Variants in SLC35F1 observed in about 807,000 individuals in gnomAD.
SLC35F1 encodes the protein solute carrier family 35 member F1, also known as chromosome 6 open reading frame 169.
In SLC35F1, 14 loss-of-function variants were observed where a neutral mutation model predicts 48.7. That is an observed-to-expected ratio of 0.29 (90% confidence interval 0.19 to 0.45). The LOEUF (loss-of-function observed/expected upper bound fraction) is 0.45. Ranked by LOEUF, SLC35F1 falls within the 20% of genes least tolerant of loss-of-function variation. The pLI, the probability that SLC35F1 is intolerant of heterozygous loss-of-function variation, is 1.00. For missense variants in SLC35F1, 404 were observed against 500.0 expected, an observed-to-expected ratio of 0.81 and a Z score of 1.83; for synonymous variants, 190 against 202.2, an observed-to-expected ratio of 0.94 and a Z score of 0.51.
At chr6:117,993,043 G>C (rs1776940601) in intron 1 of SLC35F1, among the ~76,000 whole-genome samples, 1 of 152,156 alleles carries the variant, frequency 6.6e-6, no homozygotes, top group African/African-American at 2.4e-5. Context: ...TTATCACAAG[G>C]GATCTGGGAG....
chr6:117,918,918 CAA>C (rs1775861892), intron 1 of SLC35F1, among the ~76,000 whole-genome samples: 1 of 151,816 alleles, frequency 6.6e-6, no homozygotes, highest in East Asian at 1.9e-4. Flanking sequence ...TTTTAAGAGA[CAA>C]AGTTTCACGC....
intron 7 of SLC35F1, among the ~76,000 whole-genome samples, chr6:118,312,355 G>C (rs1250881048): frequency 6.6e-6 from 1 of 152,188 alleles, no homozygotes; most frequent in Non-Finnish European, 1.5e-5. Flanking sequence ...AAGCAAGTTT[G>C]AGTGTAAATA....
At chr6:118,029,104 G>T (rs1036386580) in intron 1 of SLC35F1, among the ~76,000 whole-genome samples, 1 of 142,440 alleles carries the variant, frequency 7.0e-6, no homozygotes, top group Non-Finnish European at 1.5e-5. Flanking sequence ...GGACACAGAA[G>T]AGGTAGCATG....
chr6:118,272,194 C>T (rs146429866), intron 4 of SLC35F1, among the ~76,000 whole-genome samples: 4 of 152,278 alleles, frequency 2.6e-5, no homozygotes, highest in Admixed American at 1.3e-4. Context: ...AGTCCCTGCC[C>T]TTCAACCATG....
At chr6:118,275,392 A>G in intron 4 of SLC35F1, 67 bp from the exon 5 acceptor site, 3 of 1,519,114 alleles carry the variant, frequency 2.0e-6, no homozygotes, top group Non-Finnish European at 8.9e-7. Context: ...CAATTTGCCG[A>G]TGCCAGATTC....
At chr6:118,195,271 A>T (rs1774785890) in intron 2 of SLC35F1, among the ~76,000 whole-genome samples, 1 of 152,214 alleles carries the variant, frequency 6.6e-6, no homozygotes. Flanking sequence ...ATAAAAGGTT[A>T]GCAGATTTAA....
At chr6:118,095,955 A>C (rs949603155) in intron 1 of SLC35F1, among the ~76,000 whole-genome samples, 3 of 152,166 alleles carry the variant, frequency 2.0e-5, no homozygotes, top group South Asian at 2.1e-4. Context: ...GTGCCAAGCC[A>C]TAGACTTGGA....
At chr6:117,956,424 G>A (rs370045992) in intron 1 of SLC35F1, among the ~76,000 whole-genome samples, 11 of 152,346 alleles carry the variant, frequency 7.2e-5, no homozygotes, top group African/African-American at 2.6e-4. Flanking sequence ...ATGTGCTGTT[G>A]AACTGCCTTT....
At chr6:118,296,564 T>C (rs979649227) in intron 7 of SLC35F1, among the ~76,000 whole-genome samples, 10 of 152,180 alleles carry the variant, frequency 6.6e-5, no homozygotes, top group Admixed American at 3.3e-4. Context: ...TTAGAGAAGT[T>C]GGGAATAAAT....
chr6:117,947,330 G>A (rs1470156605), intron 1 of SLC35F1, among the ~76,000 whole-genome samples: 1 of 152,172 alleles, frequency 6.6e-6, no homozygotes, highest in East Asian at 1.9e-4. Context: ...GGAGGACAGT[G>A]AGAAATGAGA....
chr6:117,917,393 A>C (rs569551438), intron 1 of SLC35F1, among the ~76,000 whole-genome samples: 1 of 151,788 alleles, frequency 6.6e-6, no homozygotes, highest in South Asian at 2.1e-4. Context: ...CTGTTGGAGA[A>C]TGGATTGCGG....
intron 1 of SLC35F1, among the ~76,000 whole-genome samples, chr6:118,153,213 G>A (rs1304795616): frequency 1.3e-5 from 2 of 152,170 alleles, no homozygotes; most frequent in South Asian, 2.1e-4. Flanking sequence ...TTTGCCTAAA[G>A]CTTTTTGTTT....
chr6:118,100,258 A>C (rs967999750), intron 1 of SLC35F1, among the ~76,000 whole-genome samples: 1 of 152,028 alleles, frequency 6.6e-6, no homozygotes, highest in Non-Finnish European at 1.5e-5. Context: ...TTCTTCATAC[A>C]CCTCAATAAA....
At chr6:118,297,628 A>AATAT (rs1554245917) in intron 7 of SLC35F1, among the ~76,000 whole-genome samples, 2 of 44,660 alleles carry the variant, frequency 4.5e-5, no homozygotes, top group African/African-American at 8.8e-5. Context: ...GAACTTATAT[A>AATAT]TATATATATA....
At chr6:118,119,117 A>G (rs1460171444) in intron 1 of SLC35F1, among the ~76,000 whole-genome samples, 1 of 152,146 alleles carries the variant, frequency 6.6e-6, no homozygotes, top group Non-Finnish European at 1.5e-5. Context: ...TTAAAGTAAG[A>G]TAAGTATTGC....
intron 1 of SLC35F1, among the ~76,000 whole-genome samples, chr6:118,115,205 A>G (rs934318092): frequency 2.6e-5 from 4 of 152,178 alleles, no homozygotes; most frequent in African/African-American, 9.6e-5. Flanking sequence ...TGGTGCATCA[A>G]AGCTAACCAT....
chr6:117,923,406 G>A (rs563941126), intron 1 of SLC35F1, among the ~76,000 whole-genome samples: 7 of 151,348 alleles, frequency 4.6e-5, no homozygotes, highest in Admixed American at 2.0e-4. Context: ...AGTATATTGC[G>A]ATAACCTTGC....
At chr6:118,241,481 G>A (rs1199618176) in intron 3 of SLC35F1, among the ~76,000 whole-genome samples, 7 of 152,094 alleles carry the variant, frequency 4.6e-5, no homozygotes, top group African/African-American at 1.7e-4. Context: ...CCTTCACATA[G>A]CTTTCCCCAA....
At chr6:118,074,125 G>T (rs180794195) in intron 1 of SLC35F1, among the ~76,000 whole-genome samples, 31 of 152,220 alleles carry the variant, frequency 2.0e-4, no homozygotes, top group African/African-American at 7.0e-4. Context: ...TGCATTAAAA[G>T]TTGAGAAACT....
Sources: allele counts gnomAD v4.1 joint callset (sites outside exome capture counted in the v4.1 genomes callset), GRCh38; gene constraint gnomAD v4.1.1; transcripts MANE v1.5; gene names NCBI Gene and HGNC (gene_info 2026-07-23, HGNC 2026-07-21).